The following HFM1 variants were observed in gnomAD, a reference collection of about 807,000 sequenced individuals.
The protein encoded by HFM1 is helicase for meiosis 1.
A neutral mutation model predicts 192.1 loss-of-function variants in HFM1; 169 were observed. The observed-to-expected ratio is 0.88, with a 90% CI of 0.78 to 1.00. The LOEUF is 1.00. Ranked by LOEUF, HFM1 falls within the 50% of genes least tolerant of loss-of-function variation. The probability of loss-of-function intolerance (pLI) is 0.00; values close to 1 mark genes in which losing one functional copy is unlikely to be tolerated. For synonymous variants in HFM1, 525 were observed against 537.8 expected (o/e 0.98, Z 0.33); for missense variants, 1,661 against 1,668.0 (o/e 1.00, Z 0.07).
intron 36 of HFM1, 21 bp from the exon 37 acceptor site, chr1:91,262,613 T>G (rs779319738): frequency 1.5e-5 from 21 of 1,386,942 alleles, no homozygotes; most frequent in Non-Finnish European, 2.1e-5. Context: ...AAATTAATTA[T>G]TTGTAAAATA....
chr1:91,381,516 G>A (rs201466774), intron 6 of HFM1, among the ~76,000 whole-genome samples: 1 of 152,096 alleles, frequency 6.6e-6, no homozygotes, highest in African/African-American at 2.4e-5. Context: ...ATACTGGCTT[G>A]ACAGGAAGAA....
At position 91,401,092 on chromosome 1, in the gene HFM1, C is replaced by A; in HGVS notation, c.-10G>T. 1 of 1,510,272 alleles carries A rather than the reference C, an allele frequency of 6.6e-7. No homozygotes were observed. The highest frequency in any genetic ancestry group is 8.9e-7 in the Non-Finnish European group (1 of 1,119,574). The allele number at this position is 1,510,272 out of a possible 1,614,324, so 93.6% of individuals were successfully genotyped here. A position where few individuals can be genotyped will look rare whatever the true frequency, so the allele number is the denominator to read the frequency against. On this transcript the variant is annotated 5_prime_UTR_variant, in exon 2 of 39. Coordinates refer to ENST00000370425, the MANE Select transcript of HFM1 (RefSeq NM_001017975.6). ...CATTTGATTTCAGCATTGTTGAAAA[C>A]TGGACTTTGTCATAAATCTACAAAA...
intron 34 of HFM1, among the ~76,000 whole-genome samples, chr1:91,270,035 T>C (rs554091174): frequency 9.9e-5 from 15 of 152,250 alleles, no homozygotes; most frequent in South Asian, 4.2e-4. Flanking sequence ...AGGATAACTA[T>C]TGAAGATGTT....
At position 91,389,152 on chromosome 1, in the gene HFM1, T is replaced by C. The variant is rs940020869; in HGVS notation, c.495-3318A>G. On this transcript the variant is annotated intron_variant, in intron 4 of 38. Coordinates refer to ENST00000370425, the MANE Select transcript of HFM1 (RefSeq NM_001017975.6). The stretch of plus-strand genomic sequence containing the variant: ...GTTGGGTTTTTTTTTTTTTTTTTTT[T>C]TTGAGATTGAGTCTGGCTCTGTCAC... Among the ~76,000 whole-genome samples, 682 of 145,856 alleles carry C rather than the reference T, an allele frequency of 4.7e-3. 4 individuals carry two copies. The highest frequency in any genetic ancestry group is 0.017 in the African/African-American group (657 of 39,446).
chr1:91,375,499 T>A (rs567701662), intron 12 of HFM1, 28 bp downstream of exon 12: 1 of 1,610,106 alleles, frequency 6.2e-7, no homozygotes, highest in East Asian at 2.2e-5. Flanking sequence ...CTGAATATAC[T>A]AAAAAATAAG....
At chr1:91,381,106 A>G (rs898610846) in intron 6 of HFM1, 124 bp from the exon 7 acceptor site, 14 of 581,616 alleles carry the variant, frequency 2.4e-5, no homozygotes, top group Non-Finnish European at 4.0e-5. Flanking sequence ...AACATTTGCT[A>G]TCTGGCATCT....
chr1:91,364,454 A>G (rs1658948945), intron 13 of HFM1, among the ~76,000 whole-genome samples: 1 of 151,400 alleles, frequency 6.6e-6, no homozygotes, highest in South Asian at 2.1e-4. Flanking sequence ...TACCCAAAGA[A>G]GAGATCATTA....
intron 9 of HFM1, 87 bp from the exon 10 acceptor site, chr1:91,378,567 C>T (rs574738551): frequency 1.9e-4 from 147 of 774,102 alleles, no homozygotes; most frequent in South Asian, 2.5e-4. Flanking sequence ...TTTAACATGA[C>T]GTATTACAAA....
intron 20 of HFM1, chr1:91,328,324 GC>G: frequency 6.7e-7 from 1 of 1,487,680 alleles, no homozygotes; most frequent in South Asian, 1.4e-5. Context: ...CCTGAATCAA[GC>G]TTTAGCCGCC....
intron 13 of HFM1, among the ~76,000 whole-genome samples, chr1:91,370,638 T>C (rs1396003799): frequency 6.6e-6 from 1 of 152,186 alleles, no homozygotes. Flanking sequence ...AATATCATAC[T>C]GAATGGGCAA....
intron 30 of HFM1, among the ~76,000 whole-genome samples, chr1:91,310,497 CCT>C (rs1292958041): frequency 1.3e-5 from 2 of 152,174 alleles, no homozygotes; most frequent in African/African-American, 4.8e-5. Flanking sequence ...CTTGATCTCC[CCT>C]GACAATGGCT....
rs1400598335 is a variant in HFM1 at position 91,341,021 on chromosome 1, TAGAC to T, written c.2335+2405_2335+2408del. Among the ~76,000 whole-genome samples the T allele has an allele frequency of 2.6e-5, 4 of 152,274 alleles. No individual in the cohort carries two copies. In the East Asian group the frequency reaches 7.7e-4, roughly 29 times the overall value. On this transcript the variant is annotated intron_variant, in intron 20 of 38. Transcript: ENST00000370425. ...GGCTTCAACACCCCACTGACAGTAT[TAGAC>T]AGATCATCAGGGCAGAAAACAAATA...
chr1:91,315,496 C>T (rs1231766176), intron 28 of HFM1, among the ~76,000 whole-genome samples: 1 of 152,082 alleles, frequency 6.6e-6, no homozygotes, highest in Non-Finnish European at 1.5e-5. Flanking sequence ...TGCATCCAAA[C>T]AGTAGTAGGG....
At chr1:91,346,152 A>AT (rs1196762615) in intron 19 of HFM1, among the ~76,000 whole-genome samples, 1 of 152,170 alleles carries the variant, frequency 6.6e-6, no homozygotes, top group Non-Finnish European at 1.5e-5. Flanking sequence ...CAAAACCTTA[A>AT]TATTCAGTTA....
At chr1:91,329,381 C>T (rs1273777493) in intron 20 of HFM1, 32 of 1,588,620 alleles carry the variant, frequency 2.0e-5, no homozygotes, top group Non-Finnish European at 2.7e-5. Context: ...ATTAAGGCAG[C>T]ACCCAGGGCC....
chr1:91,299,142 G>A (rs937731649), intron 30 of HFM1, among the ~76,000 whole-genome samples: 2 of 152,120 alleles, frequency 1.3e-5, no homozygotes, highest in African/African-American at 4.8e-5. Flanking sequence ...TGCAATCCTA[G>A]TCTCTGATAA....
chr1:91,290,115 T>A (rs1163168485), intron 30 of HFM1, among the ~76,000 whole-genome samples: 2 of 151,864 alleles, frequency 1.3e-5, no homozygotes, highest in Non-Finnish European at 2.9e-5. Context: ...GTAAAGACCA[T>A]CGAGACTAGG....
chr1:91,391,591 G>A (rs1165598879), intron 4 of HFM1, among the ~76,000 whole-genome samples: 8 of 152,038 alleles, frequency 5.3e-5, no homozygotes, highest in South Asian at 2.1e-4. Context: ...CACCTTATAC[G>A]AAAATTAATT....
chr1:91,361,055 G>T (rs531408858), intron 13 of HFM1, among the ~76,000 whole-genome samples: 2 of 152,130 alleles, frequency 1.3e-5, no homozygotes, highest in African/African-American at 4.8e-5. Flanking sequence ...AGTGTTAAGA[G>T]AGAAACATAT....
Sources: allele counts gnomAD v4.1 joint callset (sites outside exome capture counted in the v4.1 genomes callset), GRCh38; gene constraint gnomAD v4.1.1; transcripts MANE v1.5; gene names NCBI Gene and HGNC (gene_info 2026-07-23, HGNC 2026-07-21).